The following EDIL3 variants were observed in gnomAD, a reference collection of about 807,000 sequenced individuals.
EDIL3 encodes EGF like and discoidin domains 3, also known as EGF-like repeat and discoidin I-like domain-containing protein 3.
EDIL3 carries 37 observed loss-of-function variants against 67.4 expected under a neutral mutation model. The ratio of observed to expected loss-of-function variants is 0.55; its 90% CI spans 0.42 to 0.72. EDIL3 has a LOEUF of 0.72. Ranked by LOEUF, EDIL3 falls within the 30% of genes least tolerant of loss-of-function variation. EDIL3 has a pLI of 0.00. For synonymous variants in EDIL3, 195 were observed against 196.3 expected (o/e 0.99, Z 0.05); for missense variants, 527 against 586.3 (o/e 0.90, Z 1.04).
chr5:83,994,743 T>G (rs1166268078), intron 9 of EDIL3, among the ~76,000 whole-genome samples: 1 of 152,204 alleles, frequency 6.6e-6, no homozygotes, highest in Admixed American at 6.5e-5. Context: ...ACCTAAATTA[T>G]GTGCACAGAA....
At position 83,943,140 on chromosome 5, in the gene EDIL3, T is replaced by C. The variant is rs182081090; in HGVS notation, c.*279A>G. 77 of 358,844 alleles carry C rather than the reference T, an allele frequency of 2.1e-4. No homozygotes were observed. The East Asian group carries it at 3.6e-3, about 17-fold the overall frequency. 22.2% of individuals were successfully genotyped at this position (358,844 alleles called of 1,614,324 possible). A position where few individuals can be genotyped will look rare whatever the true frequency, so the allele number is the denominator to read the frequency against. ...CTACTTTCTTTCCCTAATATATTTCTACCAATGCGAATAATTCAGGAAACA... is the reference window on the plus strand; with the variant it reads ...CTACTTTCTTTCCCTAATATATTTCCACCAATGCGAATAATTCAGGAAACA... On this transcript the variant is annotated 3_prime_UTR_variant, in exon 11 of 11. Coordinates refer to ENST00000296591, the MANE Select transcript of EDIL3 (RefSeq NM_005711.5).
intron 1 of EDIL3, among the ~76,000 whole-genome samples, chr5:84,276,168 C>G (rs1037042995): frequency 6.6e-6 from 1 of 152,076 alleles, no homozygotes; most frequent in South Asian, 2.1e-4. Context: ...TTATCTCATT[C>G]TTTTGTTGGC....
At chr5:84,297,177 G>GA (rs61365875) in intron 1 of EDIL3, among the ~76,000 whole-genome samples, 2,522 of 63,048 alleles carry the variant, frequency 0.04, 86 homozygotes, top group African/African-American at 0.061. Flanking sequence ...GCAAGACTCC[G>GA]AAAAAAAAAA....
intron 5 of EDIL3, among the ~76,000 whole-genome samples, chr5:84,118,577 T>C (rs2112296294): frequency 6.6e-6 from 1 of 152,286 alleles, no homozygotes; most frequent in African/African-American, 2.4e-5. Flanking sequence ...GTTAAGGATA[T>C]GAAGGCAAAT....
At chr5:84,124,490 T>G (rs560167190) in intron 5 of EDIL3, among the ~76,000 whole-genome samples, 14 of 152,024 alleles carry the variant, frequency 9.2e-5, no homozygotes, top group Middle Eastern at 3.4e-3. Flanking sequence ...TCAACAGTTT[T>G]CCAAGTGAAA....
chr5:84,236,555 T>G, intron 2 of EDIL3, among the ~76,000 whole-genome samples: 1 of 152,086 alleles, frequency 6.6e-6, no homozygotes, highest in East Asian at 1.9e-4. Context: ...AGATATTCCC[T>G]TCTAACCCCA....
At chr5:84,055,843 C>T (rs553156714) in intron 9 of EDIL3, among the ~76,000 whole-genome samples, 126 of 152,282 alleles carry the variant, frequency 8.3e-4, no homozygotes, top group African/African-American at 2.8e-3. Flanking sequence ...GACATAGGAA[C>T]ACTTTTACAC....
chr5:84,019,860 T>C (rs1055380961), intron 9 of EDIL3, among the ~76,000 whole-genome samples: 1 of 152,054 alleles, frequency 6.6e-6, no homozygotes, highest in African/African-American at 2.4e-5. Flanking sequence ...CCTGAGTTGC[T>C]GGAACTTGCA....
At chr5:84,204,541 C>A (rs1457505552) in intron 3 of EDIL3, among the ~76,000 whole-genome samples, 1 of 151,866 alleles carries the variant, frequency 6.6e-6, no homozygotes, top group Admixed American at 6.6e-5. Context: ...TTAAAGTTTT[C>A]ATGCCTATCA....
At chr5:84,244,933 C>A (rs867985536) in intron 2 of EDIL3, among the ~76,000 whole-genome samples, 2 of 152,194 alleles carry the variant, frequency 1.3e-5, no homozygotes, top group Non-Finnish European at 2.9e-5. Context: ...ATGTAGGTTG[C>A]GTGCTCCTTA....
At chr5:84,181,464 G>T (rs1008780279) in intron 3 of EDIL3, among the ~76,000 whole-genome samples, 1 of 152,150 alleles carries the variant, frequency 6.6e-6, no homozygotes, top group African/African-American at 2.4e-5. Flanking sequence ...GTGCCCCAAT[G>T]GTGTGGCTGA....
intron 3 of EDIL3, among the ~76,000 whole-genome samples, chr5:84,211,032 TC>T (rs1275262964): frequency 6.6e-6 from 1 of 152,176 alleles, no homozygotes; most frequent in Non-Finnish European, 1.5e-5. Context: ...CATGTCCAAA[TC>T]CCTGGAACCT....
intron 9 of EDIL3, among the ~76,000 whole-genome samples, chr5:84,020,076 C>CA (rs9293362): frequency 0.059 from 7,551 of 128,254 alleles, 502 homozygotes; most frequent in African/African-American, 0.13. Context: ...ATCTTTTGTA[C>CA]AAAAAAAAAA....
At position 84,072,783 on chromosome 5, in the gene EDIL3, A is replaced by G. The variant is rs1333656387; in HGVS notation, c.652-6177T>C. On this transcript the variant is annotated intron_variant, in intron 6 of 10. Transcript: ENST00000296591. The stretch of plus-strand genomic sequence containing the variant: ...AGAAAAGAAGATACTATTTACTTGT[A>G]AAACATAAGAACAAGAATGAAGGAG... Among the ~76,000 whole-genome samples, 6 of 152,294 alleles carry G rather than the reference A, an allele frequency of 3.9e-5. No homozygotes were observed. The South Asian group carries it at 8.3e-4, about 21-fold the overall frequency.
chr5:84,251,657 T>C (rs980571021), intron 2 of EDIL3, among the ~76,000 whole-genome samples: 18 of 152,142 alleles, frequency 1.2e-4, no homozygotes, highest in African/African-American at 4.3e-4. Flanking sequence ...TAAATAGGTA[T>C]TGAACTTGAA....
intron 4 of EDIL3, among the ~76,000 whole-genome samples, chr5:84,149,943 A>G (rs986391629): frequency 6.6e-6 from 1 of 152,146 alleles, no homozygotes; most frequent in Non-Finnish European, 1.5e-5. Context: ...TCTGGGCATC[A>G]GTGATCAGTG....
chr5:84,008,126 G>C (rs982178270), intron 9 of EDIL3, among the ~76,000 whole-genome samples: 4 of 152,138 alleles, frequency 2.6e-5, no homozygotes, highest in Non-Finnish European at 5.9e-5. Flanking sequence ...GTTACCAGAG[G>C]CTGGAAAGGG....
rs140733760 is a variant in EDIL3 at position 84,118,207 on chromosome 5, A to G, written c.470-11377T>C. Among the ~76,000 whole-genome samples, 210 of 152,248 alleles carry G rather than the reference A, an allele frequency of 1.4e-3. 1 individual carries two copies. The highest frequency in any genetic ancestry group is 4.7e-3 in the African/African-American group (194 of 41,566). On this transcript the variant is annotated intron_variant, in intron 5 of 10. Transcript: ENST00000296591. ...TTAAACTACAACAACGAAAAAAACA[A>G]AAAAAGGAAAGATTGTGTGAGTGAG...
At chr5:83,948,047 G>A (rs540158445) in intron 10 of EDIL3, among the ~76,000 whole-genome samples, 7 of 151,848 alleles carry the variant, frequency 4.6e-5, no homozygotes, top group South Asian at 4.1e-4. Flanking sequence ...GATAGAGTGC[G>A]CCTTTGTTGT....
Sources: gnomAD v4.1 joint callset for allele counts (sites outside exome capture counted in the v4.1 genomes callset) on GRCh38, gnomAD v4.1.1 for gene constraint, MANE v1.5 for transcripts, NCBI Gene and HGNC (gene_info 2026-07-23, HGNC 2026-07-21) for gene names.